The following TMEM132C variants were observed in gnomAD, a reference collection of about 807,000 sequenced individuals.
The protein encoded by TMEM132C is protein phosphatase 1, regulatory subunit 152.
A neutral mutation model predicts 61.4 loss-of-function variants in TMEM132C; 29 were observed. The observed-to-expected ratio is 0.47, with a 90% CI of 0.35 to 0.64. The LOEUF is 0.64. Among genes scored for constraint, TMEM132C ranks in the 30% least tolerant of loss-of-function variants. The probability of loss-of-function intolerance (pLI) is 0.00; values close to 1 mark genes in which losing one functional copy is unlikely to be tolerated. For synonymous variants in TMEM132C, 656 were observed against 633.1 expected (o/e 1.04, Z -0.54); for missense variants, 1,408 against 1,476.9 (o/e 0.95, Z 0.76).
chr12:128,544,624 T>C (rs1443285029), intron 3 of TMEM132C, among the ~76,000 whole-genome samples: 2 of 134,022 alleles, frequency 1.5e-5, no homozygotes, highest in Non-Finnish European at 1.7e-5. Context: ...TTTTAGAATA[T>C]GAGGAAAGCA....
At position 128,471,757 on chromosome 12, in the gene TMEM132C, C is replaced by T. The variant is rs551465819; in HGVS notation, c.974+56137C>T. On this transcript the variant is annotated intron_variant, in intron 2 of 8. Transcript: ENST00000435159. The stretch of plus-strand genomic sequence containing the variant: ...CTAGAAAATGTGAATAATGTTAATT[C>T]CTACCCGCTAGGGCTATGTGGAAGA... 9.9e-5 allele frequency among the ~76,000 whole-genome samples: 15 copies of T among 152,272 alleles called. No individual in the cohort carries two copies. The South Asian group carries it at 2.5e-3, about 25-fold the overall frequency.
At chr12:128,287,550 C>A (rs984923831) in intron 1 of TMEM132C, among the ~76,000 whole-genome samples, 2 of 150,938 alleles carry the variant, frequency 1.3e-5, no homozygotes, top group African/African-American at 4.9e-5. Flanking sequence ...TCTCTAGGTG[C>A]AATTTTTCTG....
intron 1 of TMEM132C, among the ~76,000 whole-genome samples, chr12:128,309,811 T>C (rs1427837178): frequency 1.3e-5 from 2 of 152,002 alleles, no homozygotes; most frequent in Admixed American, 6.5e-5. Flanking sequence ...CGACTCACTG[T>C]AGCCTCCTCC....
chr12:128,451,254 G>T (rs566430947), intron 2 of TMEM132C, among the ~76,000 whole-genome samples: 2 of 152,250 alleles, frequency 1.3e-5, no homozygotes, highest in South Asian at 2.1e-4. Context: ...TTGAGCACCA[G>T]AGGAAGACAA....
rs1409919791 is a variant in TMEM132C, at chr12:128,693,838, C to T, written c.1459C>T (p.Arg487Cys). ...TDEDVIKVSE[R>C]CDYIFVNGKE... is the part of the protein sequence containing the mutation. ...CCCTCTGTCTTTGCAGGTGTCTGAGCGCTGTGACTACATCTTTGTCAATGG... is the reference window on the plus strand; with the variant it reads ...CCCTCTGTCTTTGCAGGTGTCTGAGTGCTGTGACTACATCTTTGTCAATGG... The change falls in exon 6 of 9, where the codon CGC becomes TGC. Residue 487 changes from arginine (R) to cysteine (C), a missense_variant. By Grantham distance (180) the Arg-to-Cys change is radical. Coordinates refer to ENST00000435159, the MANE Select transcript of TMEM132C (RefSeq NM_001136103.3). The T allele has an allele frequency of 9.7e-6, 15 of 1,551,618 alleles. No homozygotes were observed. The highest frequency in any genetic ancestry group is 2.0e-5 in the Admixed American group (1 of 50,988).
At chr12:128,420,590 A>G (rs1197458279) in intron 2 of TMEM132C, among the ~76,000 whole-genome samples, 7 of 152,236 alleles carry the variant, frequency 4.6e-5, no homozygotes, top group African/African-American at 1.7e-4. Flanking sequence ...GAATGTCACG[A>G]TGTAACTTAT....
chr12:128,555,060 A>G (rs1205524418), intron 3 of TMEM132C, among the ~76,000 whole-genome samples: 1 of 152,194 alleles, frequency 6.6e-6, no homozygotes. Flanking sequence ...CCTTAATTCA[A>G]GAGCCAGCAT....
At chr12:128,366,500 A>T (rs1475008136) in intron 1 of TMEM132C, among the ~76,000 whole-genome samples, 1 of 152,082 alleles carries the variant, frequency 6.6e-6, no homozygotes, top group Non-Finnish European at 1.5e-5. Context: ...GAACTCTTTG[A>T]TGGTTCTCTG....
intron 1 of TMEM132C, among the ~76,000 whole-genome samples, chr12:128,406,338 G>A (rs771302109): frequency 7.2e-5 from 11 of 152,194 alleles, no homozygotes; most frequent in Admixed American, 3.9e-4. Context: ...TCGTCACTGA[G>A]TCACATGGTA....
chr12:128,684,454 C>T (rs377266832), intron 5 of TMEM132C, among the ~76,000 whole-genome samples: 3 of 152,304 alleles, frequency 2.0e-5, no homozygotes, highest in Non-Finnish European at 1.5e-5. Flanking sequence ...TAGTCTGACC[C>T]GCAATCCTGC....
chr12:128,314,128 C>T (rs12318776), intron 1 of TMEM132C, among the ~76,000 whole-genome samples: 49,968 of 151,982 alleles, frequency 0.33, 8,632 homozygotes, highest in East Asian at 0.47. Context: ...AAGAGTCTCT[C>T]GGAGATCAAA....
chr12:128,465,075 A>C (rs1035511149), intron 2 of TMEM132C, among the ~76,000 whole-genome samples: 5 of 152,176 alleles, frequency 3.3e-5, no homozygotes, highest in East Asian at 1.9e-4. Flanking sequence ...ACGTCCTCCT[A>C]TGCTTGTTGG....
At chr12:128,665,643 A>C (rs540988979) in intron 4 of TMEM132C, among the ~76,000 whole-genome samples, 8 of 146,308 alleles carry the variant, frequency 5.5e-5, no homozygotes, top group East Asian at 2.0e-4. Flanking sequence ...ACACACACAC[A>C]CCCAGGCACA....
intron 3 of TMEM132C, among the ~76,000 whole-genome samples, chr12:128,581,574 A>C (rs1481639144): frequency 6.6e-6 from 1 of 152,176 alleles, no homozygotes; most frequent in Admixed American, 6.5e-5. Flanking sequence ...CCAGTCTTTA[A>C]AATGCAAAGT....
At chr12:128,643,495 A>G (rs941103576) in intron 4 of TMEM132C, among the ~76,000 whole-genome samples, 7 of 151,998 alleles carry the variant, frequency 4.6e-5, no homozygotes, top group African/African-American at 1.7e-4. Flanking sequence ...AAAACTGGCC[A>G]GAGAGCAGCG....
intron 4 of TMEM132C, among the ~76,000 whole-genome samples, chr12:128,623,377 C>T (rs560202281): frequency 1.5e-4 from 22 of 150,976 alleles, no homozygotes; most frequent in Middle Eastern, 3.4e-3. Flanking sequence ...CAAACCTGCA[C>T]GTTGTGCACA....
At chr12:128,350,243 G>A (rs1056879518) in intron 1 of TMEM132C, among the ~76,000 whole-genome samples, 2 of 152,148 alleles carry the variant, frequency 1.3e-5, no homozygotes, top group Non-Finnish European at 2.9e-5. Flanking sequence ...TACAAGAGAG[G>A]GGTAGCCAGA....
intron 1 of TMEM132C, among the ~76,000 whole-genome samples, chr12:128,381,988 C>A (rs973849625): frequency 5.9e-5 from 9 of 152,066 alleles, no homozygotes; most frequent in African/African-American, 2.2e-4. Context: ...CCGTTGAAGA[C>A]CCTTCGCAAC....
At chr12:128,495,931 TG>T (rs1871937847) in intron 2 of TMEM132C, among the ~76,000 whole-genome samples, 1 of 152,244 alleles carries the variant, frequency 6.6e-6, no homozygotes, top group South Asian at 2.1e-4. Context: ...CTAGCCTCGA[TG>T]GTCTTTACAA....
Sources: gnomAD v4.1 joint callset for allele counts (sites outside exome capture counted in the v4.1 genomes callset) on GRCh38, gnomAD v4.1.1 for gene constraint, MANE v1.5 for transcripts, NCBI Gene and HGNC (gene_info 2026-07-23, HGNC 2026-07-21) for gene names.